The following RAB3IL1 variants were observed in gnomAD, a reference collection of about 807,000 sequenced individuals.
RAB3IL1 encodes the protein RAB3A interacting protein like 1.
Under a neutral mutation model 49.2 loss-of-function variants are expected in RAB3IL1, and 37 were observed. The ratio of observed to expected loss-of-function variants is 0.75; its 90% CI spans 0.58 to 0.99. RAB3IL1 has a LOEUF of 0.99. Ranked by LOEUF, RAB3IL1 falls within the 50% of genes least tolerant of loss-of-function variation. RAB3IL1 has a pLI of 0.00. For synonymous variants in RAB3IL1, 193 were observed against 213.9 expected (o/e 0.90, Z 0.85); for missense variants, 484 against 513.0 (o/e 0.94, Z 0.55).
chr11:61,939,963 A>G, the RAB3IL1 span, among the ~76,000 whole-genome samples: 1 of 151,578 alleles, frequency 6.6e-6, no homozygotes. Context: ...GTCTCAAAAA[A>G]AAAAAAAGGA....
chr11:61,924,727 T>G (rs1032475287), upstream of RAB3IL1, among the ~76,000 whole-genome samples: 1 of 152,102 alleles, frequency 6.6e-6, no homozygotes, highest in Non-Finnish European at 1.5e-5. Context: ...TGAACCCCTT[T>G]GGAAATATCA....
upstream of RAB3IL1, among the ~76,000 whole-genome samples, chr11:61,924,823 T>C (rs1442984292): frequency 6.6e-6 from 1 of 151,586 alleles, no homozygotes; most frequent in Non-Finnish European, 1.5e-5. Context: ...GGTGTGGGAG[T>C]CTGACCAAGG....
At chr11:61,917,324 C>G in intron 1 of RAB3IL1, 33 bp downstream of exon 1, 1 of 1,337,096 alleles carries the variant, frequency 7.5e-7, no homozygotes. Flanking sequence ...CGGCCCAGAC[C>G]CAGCGCGGGA....
chr11:61,925,780 G>T, the RAB3IL1 span, among the ~76,000 whole-genome samples: 11 of 151,912 alleles, frequency 7.2e-5, no homozygotes, highest in Non-Finnish European at 1.2e-4. Context: ...TCATTTGGGG[G>T]ACAGGAAAAA....
At chr11:61,902,059 A>G (rs1253792272) in intron 8 of RAB3IL1, among the ~76,000 whole-genome samples, 1 of 152,174 alleles carries the variant, frequency 6.6e-6, no homozygotes, top group East Asian at 1.9e-4. Flanking sequence ...TCACACCTAT[A>G]ATCCCAGCAC....
At chr11:61,904,233 G>A (rs1939059991) in intron 7 of RAB3IL1, among the ~76,000 whole-genome samples, 1 of 152,062 alleles carries the variant, frequency 6.6e-6, no homozygotes, top group Admixed American at 6.5e-5. Context: ...GTAGCTGGAG[G>A]ACAAATGCCA....
At chr11:61,946,114 G>T in the RAB3IL1 span, among the ~76,000 whole-genome samples, 7 of 152,134 alleles carry the variant, frequency 4.6e-5, no homozygotes, top group Admixed American at 3.9e-4. Context: ...GTCCAGCTAT[G>T]CCAAGCCCCC....
At chr11:61,931,905 G>A in the RAB3IL1 span, among the ~76,000 whole-genome samples, 717 of 152,264 alleles carry the variant, frequency 4.7e-3, 2 homozygotes, top group African/African-American at 0.016. Context: ...GATTAGAAAA[G>A]TAGAGAATCA....
At chr11:61,942,386 C>G in the RAB3IL1 span, among the ~76,000 whole-genome samples, 2 of 152,006 alleles carry the variant, frequency 1.3e-5, no homozygotes. Context: ...ATCTGCTGAC[C>G]TTCCCTCCAC....
intron 1 of RAB3IL1, among the ~76,000 whole-genome samples, chr11:61,915,441 C>T (rs1289816474): frequency 6.6e-6 from 1 of 152,140 alleles, no homozygotes; most frequent in Admixed American, 6.5e-5. Flanking sequence ...CTCTGACCTG[C>T]GATCACTCCC....
At chr11:61,904,938 A>C in intron 5 of RAB3IL1, 56 bp from the exon 6 acceptor site, 1 of 1,357,760 alleles carries the variant, frequency 7.4e-7, no homozygotes, top group South Asian at 1.4e-5. Flanking sequence ...GCCAGCATAG[A>C]AGATGCAGGC....
At chr11:61,927,991 T>G in the RAB3IL1 span, among the ~76,000 whole-genome samples, 91 of 152,234 alleles carry the variant, frequency 6.0e-4, no homozygotes, top group African/African-American at 2.2e-3. Context: ...GAGTTCAAAC[T>G]TTATACTTAA....
chr11:61,944,277 T>TCCTTCCC, the RAB3IL1 span, among the ~76,000 whole-genome samples: 1 of 151,578 alleles, frequency 6.6e-6, no homozygotes, highest in Admixed American at 6.6e-5. Flanking sequence ...CTTCCCTCCT[T>TCCTTCCC]TGTTGAGACA....
In RAB3IL1 at chr11:61,917,439, G is replaced by A. The variant is rs945540569; in HGVS notation, c.-72C>T. 2.9e-5 allele frequency: 34 copies of A among 1,187,530 alleles called. No homozygotes were observed. The Admixed American group carries it at 1.1e-3, about 38-fold the overall frequency. 73.6% of individuals were successfully genotyped at this position (1,187,530 alleles called of 1,614,324 possible). ...TCCTCCCAGCGCCGCGTCCCCGCCC[G>A]CCGCCGACTCCGCCAGGGGCCGAGC... is the stretch of plus-strand genomic sequence containing the variant. On this transcript the variant is annotated 5_prime_UTR_variant, in exon 1 of 10. Coordinates refer to ENST00000394836, the MANE Select transcript of RAB3IL1 (RefSeq NM_013401.4).
intron 1 of RAB3IL1, among the ~76,000 whole-genome samples, chr11:61,912,805 C>T (rs1242296645): frequency 6.6e-6 from 1 of 151,490 alleles, no homozygotes; most frequent in Admixed American, 6.6e-5. Flanking sequence ...AGGTGCCACC[C>T]AAGAATGCTG....
chr11:61,920,784 A>G (rs890080066), upstream of RAB3IL1, among the ~76,000 whole-genome samples: 21 of 152,174 alleles, frequency 1.4e-4, no homozygotes, highest in African/African-American at 4.8e-4. Flanking sequence ...TTAGCCGGGC[A>G]TGGTGGCGCA....
intron 8 of RAB3IL1, 39 bp downstream of exon 8, chr11:61,902,403 C>T: frequency 1.3e-6 from 2 of 1,548,364 alleles, no homozygotes; most frequent in Non-Finnish European, 1.8e-6. Context: ...CCCAGGTGGC[C>T]CCAAAGGAGT....
At chr11:61,929,936 A>T in the RAB3IL1 span, among the ~76,000 whole-genome samples, 1 of 105,758 alleles carries the variant, frequency 9.5e-6, no homozygotes, top group Non-Finnish European at 1.7e-5. Context: ...GTTGTTGCCC[A>T]GGCTGGTGTG....
At chr11:61,903,238 A>G (rs143524880) in intron 7 of RAB3IL1, among the ~76,000 whole-genome samples, 148 of 152,136 alleles carry the variant, frequency 9.7e-4, no homozygotes, top group African/African-American at 3.4e-3. Context: ...GCCAGGGCAC[A>G]GCAGCAGTAC....
Sources: allele counts gnomAD v4.1 joint callset (sites outside exome capture counted in the v4.1 genomes callset), GRCh38; gene constraint gnomAD v4.1.1; transcripts MANE v1.5; gene names NCBI Gene and HGNC (gene_info 2026-07-23, HGNC 2026-07-21).